CASKIN1: variants seen among roughly 807,000 people sequenced by gnomAD.
CASKIN1 encodes the protein caskin-1.
Under a neutral mutation model 117.5 loss-of-function variants are expected in CASKIN1, and 42 were observed. The observed-to-expected ratio is 0.36, with a 90% CI of 0.28 to 0.46. CASKIN1 has a LOEUF of 0.46. Ranked by LOEUF, CASKIN1 falls within the 20% of genes least tolerant of loss-of-function variation. CASKIN1 has a pLI of 1.00. For synonymous variants in CASKIN1, 1,148 were observed against 961.7 expected, an observed-to-expected ratio of 1.19 and a Z score of -3.59; for missense variants, 2,083 against 2,077.3, an observed-to-expected ratio of 1.00 and a Z score of -0.05.
Position 2,186,734 on chromosome 16 carries a change from G to C in CASKIN1, c.1021C>G (p.Leu341Val). Residue 341 changes from leucine to valine, a missense_variant, in exon 10 of 20, where the codon CTG becomes GTG. Leu to Val is a conservative substitution (Grantham distance 32). This residue lies in a region of CASKIN1 where 1,818 missense variants were observed against 1,688.9 expected (regional missense o/e 1.08). Transcript: ENST00000343516. ...NDRVGYFPSSLGEAIVKRAGS... is the reference protein window; with the variant it reads ...NDRVGYFPSSVGEAIVKRAGS... ...GCTCGCTTGACAATGGCCTCGCCCA[G>C]GGAGGACGGGAAGTAGCCCACCCGG... is the stretch of plus-strand genomic sequence containing the variant. The C allele has an allele frequency of 6.2e-7, 1 of 1,612,910 alleles. No homozygotes were observed. The highest frequency in any genetic ancestry group is 1.6e-4 in the Middle Eastern group (1 of 6,062).
At chr16:2,194,297 C>T (rs1433705376) in intron 1 of CASKIN1, among the ~76,000 whole-genome samples, 2 of 152,140 alleles carry the variant, frequency 1.3e-5, no homozygotes, top group African/African-American at 4.8e-5. Flanking sequence ...CAGCAGGAGG[C>T]CAGCCCCTGC....
chr16:2,192,676 C>T (rs2093204442), intron 1 of CASKIN1, among the ~76,000 whole-genome samples: 1 of 152,184 alleles, frequency 6.6e-6, no homozygotes, highest in Non-Finnish European at 1.5e-5. Flanking sequence ...CCTCCCCATC[C>T]GAAGTGACCC....
Position 2,190,018 on chromosome 16 carries a change from G to A in CASKIN1, c.244+55C>T, listed in dbSNP as rs571912806. On this transcript the variant is annotated intron_variant, in intron 3 of 19. Coordinates refer to ENST00000343516, the MANE Select transcript of CASKIN1 (RefSeq NM_020764.4). Reference sequence around the variant, plus strand: ...CAAGGATCCATGCAGGCCCTGGGGAGCCCCCCTCGCTGCCCCCGCCCCTGC... The same window carrying A: ...CAAGGATCCATGCAGGCCCTGGGGAACCCCCCTCGCTGCCCCCGCCCCTGC... 3 of 1,456,546 alleles carry A rather than the reference G, an allele frequency of 2.1e-6. No homozygotes were observed. The African/African-American group carries it at 4.2e-5, about 20-fold the overall frequency. The allele number at this position is 1,456,546 out of a possible 1,614,324, so 90.2% of individuals were successfully genotyped here.
In CASKIN1 at chr16:2,177,926, G is replaced by A. The variant is rs1416887418; in HGVS notation, c.*624C>T. ...CCTGGGGCCTCCACTCTGGCCGGAGGAAGGACCGCAGGCAGACAGCCTGGG... is the reference window on the plus strand; with the variant it reads ...CCTGGGGCCTCCACTCTGGCCGGAGAAAGGACCGCAGGCAGACAGCCTGGG... On this transcript the variant is annotated 3_prime_UTR_variant, in exon 20 of 20. Transcript: ENST00000343516. The A allele has an allele frequency of 8.7e-6, 3 of 344,240 alleles. No individual in the cohort carries two copies. The highest frequency in any genetic ancestry group is 5.8e-5 in the East Asian group (1 of 17,308). The allele number at this position is 344,240 out of a possible 1,614,324, so 21.3% of individuals were successfully genotyped here. A position where few individuals can be genotyped will look rare whatever the true frequency, so the allele number is the denominator to read the frequency against.
chr16:2,185,467 G>A (rs2093181275), intron 10 of CASKIN1, 59 bp from the exon 11 acceptor site: 3 of 1,426,134 alleles, frequency 2.1e-6, no homozygotes, highest in African/African-American at 1.4e-5. Flanking sequence ...ACTGACGCAG[G>A]GGAGGCAGGA....
rs1216265747 is a variant in CASKIN1 at position 2,178,606 on chromosome 16, C to A, written c.4240G>T (p.Asp1414Tyr). ...AGGTCGTCGAACATGCTGCCGATGT[C>A]GTCCAGGATGCTGCCAGTGCTCTTT... The part of the protein sequence containing the change: ...AEKSTGSILD[D>Y]IGSMFDDLAD... Residue 1414 changes from aspartate to tyrosine, a missense_variant, in exon 20 of 20, where the codon GAC becomes TAC. Around this residue, in one of 3 missense-constraint regions of CASKIN1, gnomAD observed 1,818 missense variants for 1,688.9 expected, o/e 1.08. Coordinates refer to ENST00000343516, the MANE Select transcript of CASKIN1 (RefSeq NM_020764.4). 6.3e-7 allele frequency: 1 copy of A among 1,597,214 alleles called. No individual in the cohort carries two copies. The highest frequency in any genetic ancestry group is 2.3e-5 in the East Asian group (1 of 43,934).
rs1407573913 is a variant in CASKIN1 at position 2,179,726 on chromosome 16, G to C, written c.3642C>G (p.Pro1214=). 1.3e-6 allele frequency: 2 copies of C among 1,540,698 alleles called. No homozygotes were observed. The highest frequency in any genetic ancestry group is 2.4e-5 in the East Asian group (1 of 42,060). ...TGGCCGGCTTCCGGGCTTCGCCCTC[G>C]GGCGGGGGCAATGGGGGTAGGTGCG... ...DLAHLPPLPP[P]EGEARKPAKP... Residue 1214 remains proline, a synonymous_variant, in exon 18 of 20, where the codon CCC becomes CCG. Coordinates refer to ENST00000343516, the MANE Select transcript of CASKIN1 (RefSeq NM_020764.4). This position sits in a 1 kb window ranked among gnomAD's most constrained non-coding sequence, Gnocchi z 5.8.
rs750844676 is a variant in CASKIN1, at chr16:2,181,891, G to A, written c.1668C>T (p.Ala556=). The A allele has an allele frequency of 6.2e-7, 1 of 1,613,724 alleles. No homozygotes were observed. Among genetic ancestry groups the A allele is most frequent in the South Asian group, 1.1e-5 (1 of 91,086 alleles). Residue 556 remains alanine, a synonymous_variant, in exon 17 of 20, where the codon GCC becomes GCT. Transcript: ENST00000343516. The part of the protein sequence containing the change: ...LAVWLSMIGL[A]QYYKVLVDNG... ...TGTCCACCAACACCTTGTAGTACTG[G>A]GCCAGGCCGATCATGGACAGCCACA...
Position 2,181,122 on chromosome 16 carries a change from T to C in CASKIN1, c.2246A>G (p.His749Arg), listed in dbSNP as rs2141313395. Residue 749 changes from histidine to arginine, a missense_variant, in exon 18 of 20, where the codon CAC (histidine) becomes CGC (arginine). Transcript: ENST00000343516. ...PREARPGRHGHSIKRASVPPV... is the reference protein window; with the variant it reads ...PREARPGRHGRSIKRASVPPV... ...GGGCACGCTGGCCCTCTTGATGCTGTGGCCGTGGCGGCCGGGCCGGGCCTC... is the reference window on the plus strand; with the variant it reads ...GGGCACGCTGGCCCTCTTGATGCTGCGGCCGTGGCGGCCGGGCCGGGCCTC... The C allele has an allele frequency of 6.8e-7, 1 of 1,480,360 alleles. No homozygotes were observed. The highest frequency in any genetic ancestry group is 8.9e-7 in the Non-Finnish European group (1 of 1,124,322). The allele number at this position is 1,480,360 out of a possible 1,614,324, so 91.7% of individuals were successfully genotyped here.
Position 2,180,346 on chromosome 16 carries a change from G to T in CASKIN1, c.3022C>A (p.Leu1008Met). The change falls in exon 18 of 20, where the codon CTG (leucine) becomes ATG (methionine). Residue 1008 changes from leucine to methionine, a missense_variant. Transcript: ENST00000343516. ...CCACCCCCAATGGAGGACAGCTCCA[G>T]CATGGCCGCGATGCTCTTCACACTG... ...AGSVKSIAAM[L>M]ELSSIGGGGR... is the part of the protein sequence containing the mutation. 6.3e-7 allele frequency: 1 copy of T among 1,597,226 alleles called. No individual in the cohort carries two copies. Among genetic ancestry groups the T allele is most frequent in the Non-Finnish European group, 8.5e-7 (1 of 1,177,754 alleles).
Position 2,179,487 on chromosome 16 carries a change from C to T in CASKIN1, c.3775+106G>A, listed in dbSNP as rs947571926. On this transcript the variant is annotated intron_variant, in intron 18 of 19. Coordinates refer to ENST00000343516, the MANE Select transcript of CASKIN1 (RefSeq NM_020764.4). The surrounding 1 kb of genome is among the most constrained non-coding windows in gnomAD (Gnocchi z 5.8). ...AGGGTCTGGGGACACGTTCCCACCC[C>T]ACCTGGGCTTCCATCAAACCCAAGA... The T allele has an allele frequency of 4.3e-6, 6 of 1,390,724 alleles. No individual in the cohort carries two copies. The highest frequency in any genetic ancestry group is 4.7e-6 in the Non-Finnish European group (5 of 1,071,554). 86.1% of individuals were successfully genotyped at this position (1,390,724 alleles called of 1,614,324 possible).
chr16:2,188,857 A>G (rs891864134), intron 6 of CASKIN1, 170 bp downstream of exon 6: 4 of 919,050 alleles, frequency 4.4e-6, no homozygotes, highest in Non-Finnish European at 4.8e-6. Context: ...CAGCCCCTGC[A>G]GCTCATCCTG....
rs1369856675 is a variant in CASKIN1, at chr16:2,178,454, G to A, written c.*96C>T. 8 of 990,680 alleles carry A rather than the reference G, an allele frequency of 8.1e-6. No homozygotes were observed. In the East Asian group the frequency reaches 2.7e-4, roughly 33 times the overall value. 61.4% of individuals were successfully genotyped at this position (990,680 alleles called of 1,614,324 possible). On this transcript the variant is annotated 3_prime_UTR_variant, in exon 20 of 20. Transcript: ENST00000343516. The stretch of plus-strand genomic sequence containing the variant: ...GTTGTGCTTCTGCAGGGCCCTGCCC[G>A]GCCGCTCGCGCCGCGCCCAGACGCG...
rs200043726 is a variant in CASKIN1, at chr16:2,186,984, G to A, written c.924C>T (p.Ile308=). The A allele has an allele frequency of 6.2e-7, 1 of 1,613,774 alleles. No individual in the cohort carries two copies. Among genetic ancestry groups the A allele is most frequent in the Admixed American group, 1.7e-5 (1 of 60,020 alleles). ...LTSLNVKAGD[I]ITVLEQHPDG... is the part of the protein sequence containing the mutation. ...CCCCTGGGGCCATGCTTACTGTGAT[G>A]ATGTCCCCTGCCTTCACGTTGAGGC... Residue 308 remains isoleucine (I), a synonymous_variant, in exon 9 of 20, where the codon ATC becomes ATT. Transcript: ENST00000343516.
chr16:2,184,706 G>C, intron 14 of CASKIN1, 71 bp downstream of exon 14: 1 of 1,317,512 alleles, frequency 7.6e-7, no homozygotes, highest in East Asian at 2.7e-5. Context: ...GGCCGTGTAA[G>C]CACCCATCAG....
rs1368325796 is a variant in CASKIN1, at chr16:2,196,444, G to A, written c.-12C>T. On this transcript the variant is annotated 5_prime_UTR_variant, in exon 1 of 20. Coordinates refer to ENST00000343516, the MANE Select transcript of CASKIN1 (RefSeq NM_020764.4). The surrounding 1 kb of genome is among the most constrained non-coding windows in gnomAD (Gnocchi z 5.7). ...TGCTCCTTCCCCATGGCGCGGCCGGGGCCGCAGCGACGCGGCTGCGCTCGT... is the reference window on the plus strand; with the variant it reads ...TGCTCCTTCCCCATGGCGCGGCCGGAGCCGCAGCGACGCGGCTGCGCTCGT... The A allele has an allele frequency of 5.6e-6, 7 of 1,241,362 alleles. No homozygotes were observed. Among genetic ancestry groups the A allele is most frequent in the African/African-American group, 1.6e-5 (1 of 62,164 alleles). 76.9% of individuals were successfully genotyped at this position (1,241,362 alleles called of 1,614,324 possible). A position where few individuals can be genotyped will look rare whatever the true frequency, so the allele number is the denominator to read the frequency against.
At position 2,186,764 on chromosome 16, in the gene CASKIN1, T is replaced by G. The variant is rs1329223920; in HGVS notation, c.991A>C (p.Asn331His). ...GACGGGAAGTAGCCCACCCGGTCAT[T>G]GCCCGTCCGGTTGTCATGGATGCAG... ...KGCIHDNRTG[N>H]DRVGYFPSSL... The change falls in exon 10 of 20, where the codon AAT becomes CAT. Residue 331 changes from asparagine to histidine, a missense_variant. Asn to His is a moderately conservative substitution (Grantham distance 68, BLOSUM62 1). Around this residue, in one of 3 missense-constraint regions of CASKIN1, gnomAD observed 1,818 missense variants for 1,688.9 expected, o/e 1.08. Transcript: ENST00000343516. The G allele has an allele frequency of 3.7e-6, 6 of 1,612,988 alleles. No homozygotes were observed. The African/African-American group carries it at 8.0e-5, about 21-fold the overall frequency.
Position 2,177,776 on chromosome 16 carries a change from C to T in CASKIN1, c.*774G>A, listed in dbSNP as rs901338127. ...GGACGCAGCCACGCCAGGAGGAGGA[C>T]ACGGCCGCCGAGAGCAAGGCACAAC... is the stretch of plus-strand genomic sequence containing the variant. On this transcript the variant is annotated 3_prime_UTR_variant, in exon 20 of 20. Coordinates refer to ENST00000343516, the MANE Select transcript of CASKIN1 (RefSeq NM_020764.4). 4.1e-6 allele frequency: 1 copy of T among 244,572 alleles called. No homozygotes were observed. Among genetic ancestry groups the T allele is most frequent in the African/African-American group, 2.2e-5 (1 of 45,062 alleles). The allele number at this position is 244,572 out of a possible 1,614,324, so 15.2% of individuals were successfully genotyped here.
chr16:2,195,494 C>CGCCCATCCATCCATCTCCGGCG (rs2093213149), intron 1 of CASKIN1, among the ~76,000 whole-genome samples: 1 of 152,260 alleles, frequency 6.6e-6, no homozygotes, highest in African/African-American at 2.4e-5. Context: ...CTGGTCCACA[C>CGCCCATCCATCCATCTCCGGCG]GCCCATCCAT....
Sources: gnomAD v4.1 joint callset for allele counts (sites outside exome capture counted in the v4.1 genomes callset) on GRCh38, gnomAD v4.1.1 for gene constraint, gnomAD v4.1.1 regional missense constraint, Gnocchi (gnomAD v3.1) non-coding constraint, MANE v1.5 for transcripts, NCBI Gene and HGNC (gene_info 2026-07-23, HGNC 2026-07-21) for gene names.